The following NHSL1 variants were observed in gnomAD, a reference collection of about 807,000 sequenced individuals.
NHSL1 encodes the protein NHS-like protein 1.
A neutral mutation model predicts 95.0 loss-of-function variants in NHSL1; 48 were observed. The ratio of observed to expected loss-of-function variants is 0.51; its 90% CI spans 0.40 to 0.64. NHSL1 has a LOEUF of 0.64. Among genes scored for constraint, NHSL1 ranks in the 30% least tolerant of loss-of-function variants. NHSL1 has a pLI of 0.00. For synonymous variants in NHSL1, 783 were observed against 833.9 expected (o/e 0.94, Z 1.05); for missense variants, 1,971 against 2,077.7 (o/e 0.95, Z 1.00).
chr6:138,676,099 G>A (rs970934653), intron 1 of NHSL1, among the ~76,000 whole-genome samples: 3 of 152,192 alleles, frequency 2.0e-5, no homozygotes, highest in South Asian at 4.1e-4. Flanking sequence ...ACTGGATCTC[G>A]ATTTGAAAAG....
intron 1 of NHSL1, among the ~76,000 whole-genome samples, chr6:138,638,288 C>T (rs1338687195): frequency 6.6e-6 from 1 of 152,062 alleles, no homozygotes; most frequent in East Asian, 1.9e-4. Flanking sequence ...TTTGACAGCA[C>T]AACAGAGTGA....
At chr6:138,582,336 AC>A (rs1784071868) in intron 1 of NHSL1, among the ~76,000 whole-genome samples, 1 of 152,176 alleles carries the variant, frequency 6.6e-6, no homozygotes, top group Admixed American at 6.5e-5. Context: ...TAACTGGATG[AC>A]CATGAATGAG....
At chr6:138,533,783 A>C (rs1782231220) in intron 1 of NHSL1, among the ~76,000 whole-genome samples, 1 of 152,168 alleles carries the variant, frequency 6.6e-6, no homozygotes, top group Non-Finnish European at 1.5e-5. Context: ...AGTCAAGAGA[A>C]GTGTAGCCAC....
intron 2 of NHSL1, among the ~76,000 whole-genome samples, chr6:138,494,474 G>T (rs1227134195): frequency 6.6e-6 from 1 of 152,136 alleles, no homozygotes; most frequent in Non-Finnish European, 1.5e-5. Context: ...TAAGCAGTAG[G>T]ATCACTGGGA....
At chr6:138,489,260 T>G (rs1476627116) in intron 2 of NHSL1, among the ~76,000 whole-genome samples, 4 of 152,230 alleles carry the variant, frequency 2.6e-5, no homozygotes, top group Non-Finnish European at 5.9e-5. Flanking sequence ...GAGGGGCAGG[T>G]ACATTGAGAT....
chr6:138,485,246 G>A (rs1779653863), intron 2 of NHSL1, among the ~76,000 whole-genome samples: 1 of 152,132 alleles, frequency 6.6e-6, no homozygotes, highest in African/African-American at 2.4e-5. Context: ...TTTTTATGCT[G>A]CCCTGAGTGA....
upstream of NHSL1, among the ~76,000 whole-genome samples, chr6:138,576,095 G>A (rs573963968): frequency 3.9e-5 from 6 of 152,132 alleles, no homozygotes; most frequent in East Asian, 7.7e-4. Context: ...GGGTTTAAGC[G>A]ATTCTCTTTC....
chr6:138,440,124 C>G (rs1776434846), intron 5 of NHSL1, among the ~76,000 whole-genome samples: 1 of 152,052 alleles, frequency 6.6e-6, no homozygotes, highest in East Asian at 1.9e-4. Flanking sequence ...TTACAAAGGG[C>G]CTAAATGCCT....
chr6:138,455,536 A>G (rs372432852), intron 3 of NHSL1, among the ~76,000 whole-genome samples: 2,100 of 30,142 alleles, frequency 0.07, 68 homozygotes, highest in African/African-American at 0.14. Context: ...CCCCGCCTTC[A>G]CATGCTCCCT....
At chr6:138,453,894 G>T (rs553475571) in intron 3 of NHSL1, among the ~76,000 whole-genome samples, 1 of 151,646 alleles carries the variant, frequency 6.6e-6, no homozygotes, top group Non-Finnish European at 1.5e-5. Context: ...AAATATTTTG[G>T]ATCTTAACTA....
At position 138,423,804 on chromosome 6, in the gene NHSL1, C is replaced by A. The variant is rs1188136604; in HGVS notation, c.*277G>T. ...GTGTGGAAAATGCACACATACACAC[C>A]CAGCATTTAGCAAAAAAAAAAAAAA... On this transcript the variant is annotated 3_prime_UTR_variant, in exon 8 of 8. Transcript: ENST00000343505. 1.9e-5 allele frequency: 6 copies of A among 318,150 alleles called. No individual in the cohort carries two copies. Among genetic ancestry groups the A allele is most frequent in the Non-Finnish European group, 1.7e-5 (3 of 181,624 alleles). 19.7% of individuals were successfully genotyped at this position (318,150 alleles called of 1,614,324 possible). A position where few individuals can be genotyped will look rare whatever the true frequency, so the allele number is the denominator to read the frequency against.
rs185173517 is a variant in NHSL1 at position 138,453,252 on chromosome 6, G to C, written c.340-6059C>G. On this transcript the variant is annotated intron_variant, in intron 3 of 7. Coordinates refer to ENST00000343505, the MANE Select transcript of NHSL1 (RefSeq NM_001144060.2). The stretch of plus-strand genomic sequence containing the variant: ...AGCCTCCAAAGTGTTGGGATTACAA[G>C]CGTGAGCCACCATGCCCAGCCTAAT... Among the ~76,000 whole-genome samples the C allele has an allele frequency of 8.9e-4, 136 of 152,288 alleles. 1 individual carries two copies. In the East Asian group the frequency reaches 0.01, roughly 11 times the overall value.
At chr6:138,652,276 T>A (rs1785102438) in intron 1 of NHSL1, among the ~76,000 whole-genome samples, 1 of 151,934 alleles carries the variant, frequency 6.6e-6, no homozygotes, top group African/African-American at 2.4e-5. Flanking sequence ...ACCCCAACTC[T>A]ACTAAAAATA....
chr6:138,654,461 T>C (rs542476061), intron 1 of NHSL1, among the ~76,000 whole-genome samples: 2 of 152,318 alleles, frequency 1.3e-5, no homozygotes, highest in African/African-American at 2.4e-5. Flanking sequence ...TGCAAACCAA[T>C]AGATGTGTAA....
chr6:138,531,055 A>G (rs1224895343), intron 1 of NHSL1, among the ~76,000 whole-genome samples: 1 of 152,184 alleles, frequency 6.6e-6, no homozygotes, highest in Non-Finnish European at 1.5e-5. Context: ...GCAGTCTGCA[A>G]CCCGGAAGAG....
chr6:138,669,919 G>A (rs1024490853), intron 1 of NHSL1, among the ~76,000 whole-genome samples: 1 of 152,054 alleles, frequency 6.6e-6, no homozygotes, highest in South Asian at 2.1e-4. Context: ...TCAGGAGTTT[G>A]AGACCAGCAT....
chr6:138,586,628 G>A (rs1277342205), intron 1 of NHSL1, among the ~76,000 whole-genome samples: 5 of 152,128 alleles, frequency 3.3e-5, no homozygotes, highest in African/African-American at 1.2e-4. Flanking sequence ...ACTTAACTAG[G>A]GTAAGCTTCA....
intron 1 of NHSL1, among the ~76,000 whole-genome samples, chr6:138,594,723 A>C (rs1371700156): frequency 6.6e-6 from 1 of 152,134 alleles, no homozygotes; most frequent in Non-Finnish European, 1.5e-5. Flanking sequence ...TGACACTGAC[A>C]AGGAAAGGGC....
chr6:138,527,134 TCTC>T (rs2128313265), intron 1 of NHSL1, among the ~76,000 whole-genome samples: 1 of 152,296 alleles, frequency 6.6e-6, no homozygotes, highest in African/African-American at 2.4e-5. Flanking sequence ...CGCTCTTCAG[TCTC>T]CTCCTCTTTA....
Sources: allele counts gnomAD v4.1 joint callset (sites outside exome capture counted in the v4.1 genomes callset), GRCh38; gene constraint gnomAD v4.1.1; transcripts MANE v1.5; gene names NCBI Gene and HGNC (gene_info 2026-07-23, HGNC 2026-07-21).